CBLB: variants seen among roughly 807,000 people sequenced by gnomAD.
CBLB encodes the protein E3 ubiquitin-protein ligase CBL-B.
CBLB carries 31 observed loss-of-function variants against 104.9 expected under a neutral mutation model. The ratio of observed to expected loss-of-function variants is 0.30; its 90% confidence interval spans 0.22 to 0.40. The LOEUF is 0.40. CBLB is among the 10% of genes least tolerant of loss of function. The pLI, the probability that CBLB is intolerant of heterozygous loss-of-function variation, is 1.00. For missense variants in CBLB, 1,062 were observed against 1,214.6 expected (o/e 0.87, Z 1.87); for synonymous variants, 440 against 422.6 (o/e 1.04, Z -0.51).
intron 3 of CBLB, among the ~76,000 whole-genome samples, chr3:105,778,595 T>C (rs1030301790): frequency 1.3e-5 from 2 of 152,122 alleles, no homozygotes; most frequent in Non-Finnish European, 2.9e-5. Flanking sequence ...ATAACTTATC[T>C]ACGGAAAGCT....
chr3:105,796,148 C>T (rs1214930293), intron 3 of CBLB, among the ~76,000 whole-genome samples: 2 of 152,114 alleles, frequency 1.3e-5, no homozygotes, highest in Non-Finnish European at 2.9e-5. Flanking sequence ...CAATCCTAAG[C>T]AAAAACAACA....
Position 105,751,586 on chromosome 3 carries a change from C to T in CBLB, c.599G>A (p.Cys200Tyr), listed in dbSNP as rs1459497493. The stretch of plus-strand genomic sequence containing the variant: ...GCTAATCTGGTGGACCTCATGAAGG[C>T]ACTGTCTGAATACTTTCCATGGTAC... ...TIVPWKVFRQ[C>Y]LHEVHQISSG... The change falls in exon 5 of 19, where the codon TGC becomes TAC. Residue 200 changes from cysteine to tyrosine, a missense_variant. Physicochemically the swap from Cys to Tyr is radical, Grantham distance 194. Transcript: ENST00000394030. 6.2e-7 allele frequency: 1 copy of T among 1,613,360 alleles called. No homozygotes were observed. Among genetic ancestry groups the T allele is most frequent in the Non-Finnish European group, 8.5e-7 (1 of 1,179,384 alleles).
chr3:105,728,517 T>G lies in CBLB; in HGVS notation c.1203+5492A>C, dbSNP rs79106940. ...CTTAACTTTTAACCTTACATGGTAA[T>G]GCTGCAGAATCACTGCTGCATAATA... On this transcript the variant is annotated intron_variant, in intron 9 of 18. Transcript: ENST00000394030. Among the ~76,000 whole-genome samples, 1,369 of 152,312 alleles carry G rather than the reference T, an allele frequency of 9.0e-3. 7 individuals carry two copies. The highest frequency in any genetic ancestry group is 0.013 in the Non-Finnish European group (858 of 68,006).
chr3:105,730,201 T>G (rs1358217071), intron 9 of CBLB, among the ~76,000 whole-genome samples: 1 of 151,982 alleles, frequency 6.6e-6, no homozygotes, highest in Non-Finnish European at 1.5e-5. Flanking sequence ...CTGGTAGTAC[T>G]GCATACAATA....
chr3:105,800,832 A>C (rs1424627454), intron 3 of CBLB, among the ~76,000 whole-genome samples: 1 of 152,204 alleles, frequency 6.6e-6, no homozygotes, highest in Non-Finnish European at 1.5e-5. Context: ...GAAAAGACAT[A>C]CATATAATCT....
chr3:105,798,485 C>G (rs982836009), intron 3 of CBLB, among the ~76,000 whole-genome samples: 1 of 152,108 alleles, frequency 6.6e-6, no homozygotes, highest in East Asian at 1.9e-4. Context: ...TGGCACGTTA[C>G]ATTATAACCA....
intron 3 of CBLB, among the ~76,000 whole-genome samples, chr3:105,814,796 T>A (rs2084792814): frequency 6.6e-6 from 1 of 152,074 alleles, no homozygotes; most frequent in African/African-American, 2.4e-5. Context: ...GTCATGAAAA[T>A]TCTCTTCAAT....
intron 9 of CBLB, among the ~76,000 whole-genome samples, chr3:105,730,516 T>C (rs1368948405): frequency 1.3e-5 from 2 of 152,102 alleles, no homozygotes; most frequent in African/African-American, 4.8e-5. Flanking sequence ...ATGACCAATG[T>C]GCAGATAACA....
Position 105,751,593 on chromosome 3 carries a change from T to C in CBLB, c.592A>G (p.Arg198Gly), listed in dbSNP as rs1443813559. The change falls in exon 5 of 19, where the codon AGA becomes GGA. Residue 198 changes from arginine (R) to glycine (G), a missense_variant. Physicochemically the swap from Arg to Gly is moderately radical, Grantham distance 125 (BLOSUM62 -2). Around this residue, in one of 2 missense-constraint regions of CBLB, gnomAD observed 457 missense variants for 632.0 expected, o/e 0.72. Coordinates refer to ENST00000394030, the MANE Select transcript of CBLB (RefSeq NM_170662.5). ...DKTIVPWKVF[R>G]QCLHEVHQIS... is the part of the protein sequence containing the mutation. Reference sequence around the variant, plus strand: ...TGGTGGACCTCATGAAGGCACTGTCTGAATACTTTCCATGGTACGATAGTT... The same window carrying C: ...TGGTGGACCTCATGAAGGCACTGTCCGAATACTTTCCATGGTACGATAGTT... The C allele has an allele frequency of 6.2e-7, 1 of 1,613,384 alleles. No homozygotes were observed. Among genetic ancestry groups the C allele is most frequent in the Non-Finnish European group, 8.5e-7 (1 of 1,179,480 alleles).
At chr3:105,689,142 A>T (rs886270238) in intron 13 of CBLB, among the ~76,000 whole-genome samples, 4 of 152,054 alleles carry the variant, frequency 2.6e-5, no homozygotes, top group African/African-American at 7.2e-5. Flanking sequence ...CAATATAGTT[A>T]TTTGTTTACT....
At chr3:105,769,622 A>G (rs1233949634) in intron 4 of CBLB, among the ~76,000 whole-genome samples, 1 of 152,236 alleles carries the variant, frequency 6.6e-6, no homozygotes, top group African/African-American at 2.4e-5. Flanking sequence ...ATACGAAAAC[A>G]AAGACAATGA....
intron 3 of CBLB, among the ~76,000 whole-genome samples, chr3:105,844,086 G>A (rs1022488993): frequency 2.6e-5 from 4 of 152,136 alleles, no homozygotes; most frequent in African/African-American, 4.8e-5. Context: ...GGACACACAC[G>A]TACATACACA....
At chr3:105,714,165 A>G (rs1365124049) in intron 10 of CBLB, among the ~76,000 whole-genome samples, 1 of 152,192 alleles carries the variant, frequency 6.6e-6, no homozygotes, top group African/African-American at 2.4e-5. Flanking sequence ...AATAGCTGCA[A>G]AACACTGTGA....
rs1296735178 is a variant in CBLB at position 105,819,774 on chromosome 3, T to C, written c.419+33640A>G. On this transcript the variant is annotated intron_variant, in intron 3 of 18. Transcript: ENST00000394030. ...ACTTCATTGATACACAATTTTCCTA[T>C]TATTATATGGAAAAATATATTCCTA... 3.9e-5 allele frequency among the ~76,000 whole-genome samples: 6 copies of C among 152,114 alleles called. No homozygotes were observed. In the East Asian group the frequency reaches 1.2e-3, roughly 29 times the overall value.
intron 2 of CBLB, among the ~76,000 whole-genome samples, chr3:105,864,222 A>G (rs568841594): frequency 6.6e-6 from 1 of 152,288 alleles, no homozygotes; most frequent in African/African-American, 2.4e-5. Flanking sequence ...CATGGCAATT[A>G]TCCATTTATG....
At chr3:105,744,889 C>T (rs1022146346) in intron 6 of CBLB, among the ~76,000 whole-genome samples, 1 of 152,124 alleles carries the variant, frequency 6.6e-6, no homozygotes, top group Non-Finnish European at 1.5e-5. Context: ...GAGATTGTGC[C>T]ATTGCACTCC....
intron 3 of CBLB, among the ~76,000 whole-genome samples, chr3:105,840,400 T>G (rs1391318284): frequency 1.3e-5 from 2 of 150,134 alleles, no homozygotes; most frequent in Admixed American, 6.6e-5. Context: ...AAAAAAAAAG[T>G]TGCATCGACT....
At chr3:105,728,157 ATTCT>A (rs766542463) in intron 9 of CBLB, among the ~76,000 whole-genome samples, 1 of 152,104 alleles carries the variant, frequency 6.6e-6, no homozygotes, top group South Asian at 2.1e-4. Context: ...CATGATATTG[ATTCT>A]TTCTTTATGT....
chr3:105,814,598 A>G (rs2084757945), intron 3 of CBLB, among the ~76,000 whole-genome samples: 2 of 54,952 alleles, frequency 3.6e-5, no homozygotes, highest in South Asian at 1.6e-3. Flanking sequence ...AGTCTCTTGA[A>G]ATCACTCTTG....
Sources: gnomAD v4.1 joint callset for allele counts (sites outside exome capture counted in the v4.1 genomes callset) on GRCh38, gnomAD v4.1.1 for gene constraint, gnomAD v4.1.1 regional missense constraint, MANE v1.5 for transcripts, NCBI Gene and HGNC (gene_info 2026-07-23, HGNC 2026-07-21) for gene names.